HOXB3: variants seen among roughly 807,000 people sequenced by gnomAD.
HOXB3 encodes the protein homeobox B3.
HOXB3 carries 17 observed loss-of-function variants against 29.2 expected under a neutral mutation model. The ratio of observed to expected loss-of-function variants is 0.58; its 90% confidence interval spans 0.40 to 0.87. The LOEUF (loss-of-function observed/expected upper bound fraction) is 0.87, where lower values mean the gene tolerates loss of function less well. HOXB3 is among the 40% of genes least tolerant of loss of function. The pLI is 0.00. For synonymous variants in HOXB3, 317 were observed against 285.9 expected, an observed-to-expected ratio of 1.11 and a Z score of -1.10; for missense variants, 637 against 616.3, an observed-to-expected ratio of 1.03 and a Z score of -0.35.
At chr17:48,560,012 T>C (rs1279778109) in intron 2 of HOXB3, 1 of 152,244 alleles carries the variant, frequency 6.6e-6, no homozygotes, top group Non-Finnish European at 1.5e-5. Flanking sequence ...TTGGTGGTGA[T>C]AGATCCCAAT....
At chr17:48,563,366 C>T (rs2069266935) in intron 2 of HOXB3, among the ~76,000 whole-genome samples, 8 of 152,220 alleles carry the variant, frequency 5.3e-5, no homozygotes, top group Admixed American at 5.2e-4. Flanking sequence ...GGTCTCTCTC[C>T]TGACTCCCAA....
chr17:48,555,719 GCAGACCGGC>G (rs2068961198), intron 2 of HOXB3, 101 bp from the exon 3 acceptor site: 3 of 674,306 alleles, frequency 4.4e-6, no homozygotes, highest in Non-Finnish European at 8.1e-6. Flanking sequence ...AGCCCGAGGG[GCAGACCGGC>G]CAGAGGAGCC....
At chr17:48,566,577 G>C (rs2069395565) in intron 2 of HOXB3, among the ~76,000 whole-genome samples, 1 of 152,162 alleles carries the variant, frequency 6.6e-6, no homozygotes, top group Admixed American at 6.5e-5. Context: ...GCAAACGCAG[G>C]GGGAAGGGGC....
Position 48,555,604 on chromosome 17 carries a change from G to A in HOXB3, c.-232C>T, listed in dbSNP as rs1416592922. On this transcript the variant is annotated 5_prime_UTR_variant, in exon 3 of 5. Coordinates refer to ENST00000498678, the MANE Select transcript of HOXB3 (RefSeq NM_001384749.1). ...TCGAGCCCCAGAGCGAGCGGCAGGC[G>A]ACAAATCTCCCCTCCTTGAAGGCAA... The A allele has an allele frequency of 1.0e-5, 7 of 702,572 alleles. No individual in the cohort carries two copies. The highest frequency in any genetic ancestry group is 2.3e-4 in the Middle Eastern group (1 of 4,386). The allele number at this position is 702,572 out of a possible 1,614,324, so 43.5% of individuals were successfully genotyped here.
chr17:48,551,757 G>A (rs1378182658), intron 4 of HOXB3, among the ~76,000 whole-genome samples: 3 of 152,244 alleles, frequency 2.0e-5, no homozygotes, highest in African/African-American at 7.2e-5. Flanking sequence ...GCAGCGCCTC[G>A]TCTTGGCTCT....
intron 3 of HOXB3, chr17:48,555,290 G>A (rs1233243636): frequency 3.6e-6 from 2 of 550,804 alleles, no homozygotes; most frequent in Admixed American, 6.7e-5. Flanking sequence ...AAGAGAGAGA[G>A]GAGAAAAGAG....
intron 2 of HOXB3, among the ~76,000 whole-genome samples, chr17:48,560,651 T>C (rs1311443803): frequency 1.3e-5 from 2 of 152,154 alleles, no homozygotes; most frequent in African/African-American, 2.4e-5. Flanking sequence ...AACCATGCAA[T>C]TGAGAAGCCA....
At chr17:48,586,792 CCAA>C (rs1305044077) in intron 1 of HOXB3, among the ~76,000 whole-genome samples, 5 of 152,140 alleles carry the variant, frequency 3.3e-5, no homozygotes, top group Non-Finnish European at 7.3e-5. Flanking sequence ...ACCATCACTA[CCAA>C]CAACAACGGG....
At chr17:48,586,602 T>C (rs1000714454) in intron 1 of HOXB3, among the ~76,000 whole-genome samples, 3 of 152,212 alleles carry the variant, frequency 2.0e-5, no homozygotes, top group Non-Finnish European at 2.9e-5. Context: ...CCTTTCAGGA[T>C]GCAAACTCCA....
At chr17:48,572,663 C>T (rs2069622305) in intron 2 of HOXB3, among the ~76,000 whole-genome samples, 1 of 152,166 alleles carries the variant, frequency 6.6e-6, no homozygotes, top group Non-Finnish European at 1.5e-5. Context: ...ACCCTACTTT[C>T]GTCCCCCAAC....
chr17:48,566,054 CAG>C (rs2069376340), intron 2 of HOXB3, among the ~76,000 whole-genome samples: 1 of 152,182 alleles, frequency 6.6e-6, no homozygotes, highest in Non-Finnish European at 1.5e-5. Flanking sequence ...AGGATACCAG[CAG>C]AGAGTTAGGG....
Position 48,552,483 on chromosome 17 carries a change from G to A in HOXB3, c.-9C>T, listed in dbSNP as rs1360170541. 6.4e-7 allele frequency: 1 copy of A among 1,560,122 alleles called. No homozygotes were observed. The highest frequency in any genetic ancestry group is 8.7e-7 in the Non-Finnish European group (1 of 1,149,354). ...TAGGTGGCTTTCTGCATCGCTGGGT[G>A]AGGCCTGGGCAGTGGGTGGCAACTT... is the stretch of plus-strand genomic sequence containing the variant. On this transcript the variant is annotated 5_prime_UTR_variant, in exon 4 of 5. Coordinates refer to ENST00000498678, the MANE Select transcript of HOXB3 (RefSeq NM_001384749.1).
At position 48,552,357 on chromosome 17, in the gene HOXB3, C is replaced by T. The variant is rs1421428453; in HGVS notation, c.118G>A (p.Ala40Thr). ...DVPPQPPFQA[A>T]THLEGDYQRS... ...TGGTAGTCGCCCTCCAGGTGCGTGG[C>T]GGCCTGAAATGGGGGTTGGGGGGGG... The change falls in exon 4 of 5, where the codon GCC (alanine) becomes ACC (threonine). Residue 40 changes from alanine to threonine, a missense_variant. By Grantham distance (58) the Ala-to-Thr change is moderately conservative (BLOSUM62 0). Coordinates refer to ENST00000498678, the MANE Select transcript of HOXB3 (RefSeq NM_001384749.1). 1.2e-6 allele frequency: 2 copies of T among 1,613,666 alleles called. No individual in the cohort carries two copies. The highest frequency in any genetic ancestry group is 1.7e-6 in the Non-Finnish European group (2 of 1,179,862).
At chr17:48,558,938 T>A (rs1344023717) in intron 2 of HOXB3, among the ~76,000 whole-genome samples, 2 of 151,620 alleles carry the variant, frequency 1.3e-5, no homozygotes, top group Admixed American at 6.6e-5. Context: ...TGTGTGTGTG[T>A]GTGAGAGAGA....
chr17:48,575,389 T>G (rs2069726426), intron 1 of HOXB3: 1 of 152,148 alleles, frequency 6.6e-6, no homozygotes, highest in South Asian at 2.1e-4. Flanking sequence ...CATCAGACTC[T>G]TTGAAAAAAA....
At chr17:48,553,569 T>C (rs971498459) in intron 3 of HOXB3, 6 of 152,078 alleles carry the variant, frequency 3.9e-5, no homozygotes, top group African/African-American at 1.2e-4. Context: ...TAGACTTTTC[T>C]ACTGAGACGG....
chr17:48,550,737 T>C lies in HOXB3; in HGVS notation c.893A>G (p.His298Arg). The change falls in exon 5 of 5, where the codon CAC becomes CGC. Residue 298 changes from histidine (H) to arginine (R), a missense_variant. His to Arg is a conservative substitution (Grantham distance 29). Coordinates refer to ENST00000498678, the MANE Select transcript of HOXB3 (RefSeq NM_001384749.1). Reference protein sequence around the residue: ...SPSPPAFGKAHQNAYALPSNY... With the variant: ...SPSPPAFGKARQNAYALPSNY... ...GGAGGGCAGCGCGTAGGCATTCTGG[T>C]GGGCTTTACCGAAGGCGGGTGGGGA... 6.3e-7 allele frequency: 1 copy of C among 1,580,560 alleles called. No homozygotes were observed. Among genetic ancestry groups the C allele is most frequent in the Non-Finnish European group, 8.6e-7 (1 of 1,161,004 alleles).
At chr17:48,576,777 G>GC (rs1167678709) in intron 1 of HOXB3, 7 of 1,614,046 alleles carry the variant, frequency 4.3e-6, no homozygotes, top group Non-Finnish European at 5.9e-6. Context: ...GGCTGAGCCT[G>GC]CCGCACCACC....
intron 2 of HOXB3, among the ~76,000 whole-genome samples, chr17:48,555,997 A>G (rs2068974234): frequency 6.6e-6 from 1 of 151,632 alleles, no homozygotes; most frequent in African/African-American, 2.4e-5. Flanking sequence ...ACACTCACTC[A>G]CACACAAGCT....
Sources: allele counts gnomAD v4.1 joint callset (sites outside exome capture counted in the v4.1 genomes callset), GRCh38; gene constraint gnomAD v4.1.1; transcripts MANE v1.5; gene names NCBI Gene and HGNC (gene_info 2026-07-23, HGNC 2026-07-21).